PPARG: variants seen among roughly 807,000 people sequenced by gnomAD.
PPARG encodes peroxisome proliferator activated receptor gamma.
A neutral mutation model predicts 39.2 loss-of-function variants in PPARG; 17 were observed. The ratio of observed to expected loss-of-function variants is 0.43; its 90% CI spans 0.30 to 0.65. PPARG has a LOEUF of 0.65. PPARG is among the 30% of genes least tolerant of loss of function. The pLI, the probability that PPARG is intolerant of heterozygous loss-of-function variation, is 0.13. For synonymous variants in PPARG, 223 were observed against 215.7 expected (o/e 1.03, Z -0.30); for missense variants, 406 against 585.9 (o/e 0.69, Z 3.17).
intron 5 of PPARG, among the ~76,000 whole-genome samples, chr3:12,404,709 C>G (rs1367179349): frequency 6.6e-6 from 1 of 152,162 alleles, no homozygotes; most frequent in East Asian, 1.9e-4. Context: ...GAGGCTGAGG[C>G]AGGAGAATCG....
chr3:12,339,423 C>T (rs999350858), intron 2 of PPARG, among the ~76,000 whole-genome samples: 4 of 152,126 alleles, frequency 2.6e-5, no homozygotes, highest in Non-Finnish European at 4.4e-5. Flanking sequence ...TACTAAAATT[C>T]GTTGAATTGC....
chr3:12,379,919 C>A lies in PPARG; in HGVS notation c.208C>A (p.Gln70Lys). Residue 70 changes from glutamine to lysine, a missense_variant, in exon 3 of 8, where the codon CAA (glutamine) becomes AAA (lysine). Gln to Lys is a moderately conservative substitution (Grantham distance 53, BLOSUM62 1). This residue lies in a region of PPARG where 131 missense variants were observed against 127.9 expected (regional missense o/e 1.02). Transcript: ENST00000651735. ...VADYKYDLKL[Q>K]EYQSAIKVEP... The stretch of plus-strand genomic sequence containing the variant: ...AGATTACAAGTATGACCTGAAACTT[C>A]AAGAGTACCAAAGTATGATGTTTAT... 6.2e-7 allele frequency: 1 copy of A among 1,600,230 alleles called. No individual in the cohort carries two copies. Among genetic ancestry groups the A allele is most frequent in the South Asian group, 1.1e-5 (1 of 90,824 alleles).
chr3:12,354,304 T>G (rs1253897921), intron 2 of PPARG, among the ~76,000 whole-genome samples: 1 of 152,202 alleles, frequency 6.6e-6, no homozygotes, highest in Admixed American at 6.5e-5. Context: ...TGGCCTTCTG[T>G]TTCCACATAT....
chr3:12,408,567 C>CTTTTTTT (rs397945616), intron 6 of PPARG, among the ~76,000 whole-genome samples: 25 of 113,260 alleles, frequency 2.2e-4, no homozygotes, highest in African/African-American at 7.7e-4. Flanking sequence ...CTTTTCTTTT[C>CTTTTTTT]TTTTTTTTTT....
rs544223042 is a variant in PPARG, at chr3:12,301,981, T to G, written c.-82-10399T>G. On this transcript the variant is annotated intron_variant, in intron 1 of 7. Coordinates refer to ENST00000651735, the MANE Select transcript of PPARG (RefSeq NM_138711.6). ...AGGCACAAAGGGAGATACCAGAGCTTCTGTAGCTACGAGATTATCATCTGC... is the reference window on the plus strand; with the variant it reads ...AGGCACAAAGGGAGATACCAGAGCTGCTGTAGCTACGAGATTATCATCTGC... 2.0e-5 allele frequency: 3 copies of G among 152,336 alleles called. No homozygotes were observed. The East Asian group carries it at 5.8e-4, about 29-fold the overall frequency. 9.4% of individuals were successfully genotyped at this position (152,336 alleles called of 1,614,324 possible). A position where few individuals can be genotyped will look rare whatever the true frequency, so the allele number is the denominator to read the frequency against.
intron 1 of PPARG, among the ~76,000 whole-genome samples, chr3:12,305,112 C>G (rs996238213): frequency 2.6e-5 from 4 of 151,760 alleles, no homozygotes; most frequent in African/African-American, 7.3e-5. Flanking sequence ...TTTTTCGTTC[C>G]TGGTGTTCCC....
intron 2 of PPARG, among the ~76,000 whole-genome samples, chr3:12,355,496 T>G (rs974420709): frequency 1.3e-5 from 2 of 152,304 alleles, no homozygotes; most frequent in African/African-American, 4.8e-5. Flanking sequence ...AATATTACTC[T>G]TGTCCATATT....
chr3:12,336,134 A>C (rs368657162), intron 2 of PPARG, among the ~76,000 whole-genome samples: 22 of 152,348 alleles, frequency 1.4e-4, no homozygotes, highest in Admixed American at 5.2e-4. Flanking sequence ...GGGAGTTATG[A>C]GAATGTATCA....
At chr3:12,333,597 A>C (rs1031172796) in intron 2 of PPARG, among the ~76,000 whole-genome samples, 5 of 152,038 alleles carry the variant, frequency 3.3e-5, no homozygotes, top group African/African-American at 1.2e-4. Context: ...TCGCTATGGA[A>C]CCTTGGCTAA....
chr3:12,381,344 A>C lies in PPARG; in HGVS notation c.243A>C (p.Ala81=), dbSNP rs531436395. The C allele has an allele frequency of 2.5e-6, 4 of 1,613,276 alleles. No individual in the cohort carries two copies. Among genetic ancestry groups the C allele is most frequent in the Non-Finnish European group, 3.4e-6 (4 of 1,179,620 alleles). ...EYQSAIKVEP[A]SPPYYSEKTQ... is the part of the protein sequence containing the mutation. ...CAGGTGCAATCAAAGTGGAGCCTGC[A>C]TCTCCACCTTATTATTCTGAGAAGA... The change falls in exon 4 of 8, where the codon GCA becomes GCC. Residue 81 remains alanine (A), a synonymous_variant. Transcript: ENST00000651735.
At chr3:12,372,165 G>T in intron 2 of PPARG, 1 of 717,726 alleles carries the variant, frequency 1.4e-6, no homozygotes, top group South Asian at 1.5e-5. Flanking sequence ...GCTTTCATTT[G>T]AGAGTTACTC....
At chr3:12,328,737 C>T (rs997728384) in intron 2 of PPARG, among the ~76,000 whole-genome samples, 7 of 152,248 alleles carry the variant, frequency 4.6e-5, no homozygotes, top group African/African-American at 1.7e-4. Flanking sequence ...TTGCCCTCTT[C>T]TCTTTTCCCT....
intron 6 of PPARG, among the ~76,000 whole-genome samples, chr3:12,416,197 G>A (rs1429903652): frequency 6.6e-6 from 1 of 152,150 alleles, no homozygotes. Flanking sequence ...TGGCCAACAT[G>A]GTGAAACCCC....
At chr3:12,383,291 C>T (rs576406518) in intron 4 of PPARG, among the ~76,000 whole-genome samples, 21 of 152,124 alleles carry the variant, frequency 1.4e-4, no homozygotes, top group South Asian at 4.1e-4. Flanking sequence ...CACTAAAACC[C>T]GTTCGTTCTG....
chr3:12,333,274 A>G (rs1449901474), intron 2 of PPARG, among the ~76,000 whole-genome samples: 1 of 152,198 alleles, frequency 6.6e-6, no homozygotes, highest in Non-Finnish European at 1.5e-5. Flanking sequence ...ATTATTTCTT[A>G]TATTCATCAC....
At chr3:12,296,546 T>C (rs375156031) in intron 1 of PPARG, among the ~76,000 whole-genome samples, 22 of 152,308 alleles carry the variant, frequency 1.4e-4, no homozygotes, top group African/African-American at 5.3e-4. Context: ...TGCTTATGGT[T>C]AAGTTCTTTG....
intron 7 of PPARG, among the ~76,000 whole-genome samples, chr3:12,421,185 G>T (rs2051248054): frequency 6.6e-6 from 1 of 152,242 alleles, no homozygotes; most frequent in South Asian, 2.1e-4. Flanking sequence ...GCCCTGGCCA[G>T]TGGACTGTGG....
chr3:12,318,356 C>T (rs753605887), intron 2 of PPARG, among the ~76,000 whole-genome samples: 11 of 152,048 alleles, frequency 7.2e-5, no homozygotes, highest in African/African-American at 1.2e-4. Flanking sequence ...ACCTTTAAGT[C>T]TAAGTTGCTA....
chr3:12,409,837 C>G (rs1394344276), intron 6 of PPARG, among the ~76,000 whole-genome samples: 1 of 152,154 alleles, frequency 6.6e-6, no homozygotes, highest in African/African-American at 2.4e-5. Flanking sequence ...GTAGAATGCG[C>G]CCTGCCCGCT....
Sources: gnomAD v4.1 joint callset for allele counts (sites outside exome capture counted in the v4.1 genomes callset) on GRCh38, gnomAD v4.1.1 for gene constraint, gnomAD v4.1.1 regional missense constraint, MANE v1.5 for transcripts, NCBI Gene and HGNC (gene_info 2026-07-23, HGNC 2026-07-21) for gene names.